Variants in DHX40 observed in about 807,000 individuals in gnomAD.
The protein encoded by DHX40 is DEAH-box helicase 40.
In DHX40, 28 loss-of-function variants were observed where a neutral mutation model predicts 89.6. That is an observed-to-expected ratio of 0.31 (90% CI 0.23 to 0.43). The LOEUF (loss-of-function observed/expected upper bound fraction) is 0.43. Among genes scored for constraint, DHX40 ranks in the 20% least tolerant of loss-of-function variants. The pLI is 1.00. For missense variants in DHX40, 457 were observed against 844.0 expected, an observed-to-expected ratio of 0.54 and a Z score of 5.68; for synonymous variants, 226 against 283.6, an observed-to-expected ratio of 0.80 and a Z score of 2.04.
In DHX40 at chr17:59,570,442, T is replaced by C. The variant is rs1000769166; in HGVS notation, c.281-76T>C. On this transcript the variant is annotated intron_variant, in intron 2 of 17. Transcript: ENST00000251241. ...AACATTCAAGCAGTTTTGTGTTGAT[T>C]GGCCAAAAACAATTTAGCTCTAATA... The C allele has an allele frequency of 1.9e-5, 27 of 1,456,390 alleles. No individual in the cohort carries two copies. In the African/African-American group the frequency reaches 3.8e-4, roughly 20 times the overall value. The allele number at this position is 1,456,390 out of a possible 1,614,324, so 90.2% of individuals were successfully genotyped here.
intron 12 of DHX40, among the ~76,000 whole-genome samples, chr17:59,591,326 G>T (rs990444651): frequency 8.0e-5 from 12 of 150,246 alleles, no homozygotes; most frequent in South Asian, 6.4e-4. Context: ...AAGAAAGAAA[G>T]AAATAAACAA....
intron 10 of DHX40, among the ~76,000 whole-genome samples, 165 bp from the exon 11 acceptor site, chr17:59,585,988 C>T (rs1462207282): frequency 1.3e-5 from 2 of 151,378 alleles, no homozygotes; most frequent in South Asian, 2.1e-4. Flanking sequence ...AAATTATTTC[C>T]TCTTTTGCCA....
At chr17:59,602,669 A>G (rs2030605553) in intron 15 of DHX40, 53 bp downstream of exon 15, 6 of 1,401,318 alleles carry the variant, frequency 4.3e-6, no homozygotes, top group Non-Finnish European at 6.0e-6. Flanking sequence ...GTATTTGACT[A>G]TAATATTGGA....
chr17:59,568,329 A>C (rs1192383048), intron 2 of DHX40, among the ~76,000 whole-genome samples: 1 of 152,244 alleles, frequency 6.6e-6, no homozygotes, highest in Non-Finnish European at 1.5e-5. Flanking sequence ...TGTAAAGAGC[A>C]GTATTATATT....
intron 12 of DHX40, among the ~76,000 whole-genome samples, chr17:59,590,342 TG>T (rs1190438447): frequency 2.2e-4 from 33 of 149,860 alleles, no homozygotes; most frequent in Admixed American, 1.4e-3. Context: ...CTTTGTAGGC[TG>T]GAAGTGTCGG....
At chr17:59,600,179 C>T (rs2030402432) in intron 14 of DHX40, among the ~76,000 whole-genome samples, 1 of 152,108 alleles carries the variant, frequency 6.6e-6, no homozygotes, top group Admixed American at 6.6e-5. Flanking sequence ...CCCCACCAAC[C>T]CAGGTAACCA....
chr17:59,607,428 T>A lies in DHX40; in HGVS notation c.*256T>A. 1 of 667,024 alleles carries A rather than the reference T, an allele frequency of 1.5e-6. No homozygotes were observed. Among genetic ancestry groups the A allele is most frequent in the Non-Finnish European group, 2.5e-6 (1 of 397,702 alleles). The allele number at this position is 667,024 out of a possible 1,614,324, so 41.3% of individuals were successfully genotyped here. A position where few individuals can be genotyped will look rare whatever the true frequency, so the allele number is the denominator to read the frequency against. On this transcript the variant is annotated 3_prime_UTR_variant, in exon 18 of 18. Transcript: ENST00000251241. ...ATGAAAGACAGTACATGTAATAATA[T>A]TTTCCTCAGTACAATTTTGCTGGCC... is the stretch of plus-strand genomic sequence containing the variant.
At chr17:59,580,754 C>T (rs900114867) in intron 10 of DHX40, among the ~76,000 whole-genome samples, 17 of 151,200 alleles carry the variant, frequency 1.1e-4, no homozygotes, top group East Asian at 3.9e-4. Flanking sequence ...TGCACCACTG[C>T]GGTCCAGCCT....
At chr17:59,576,701 G>A (rs1026780727) in intron 7 of DHX40, among the ~76,000 whole-genome samples, 7 of 152,194 alleles carry the variant, frequency 4.6e-5, no homozygotes, top group Non-Finnish European at 1.0e-4. Flanking sequence ...GTTCACCGAT[G>A]CTTTTATAAT....
intron 4 of DHX40, 127 bp from the exon 5 acceptor site, chr17:59,573,613 G>A (rs2048840960): frequency 9.1e-7 from 1 of 1,104,548 alleles, no homozygotes; most frequent in African/African-American, 1.6e-5. Context: ...GTGAGCCACT[G>A]CACCTGGCTC....
At position 59,598,178 on chromosome 17, in the gene DHX40, T is replaced by G. The variant is rs188393156; in HGVS notation, c.1583-559T>G. 2.3e-3 allele frequency among the ~76,000 whole-genome samples: 354 copies of G among 152,242 alleles called. 5 individuals are homozygous for G. Among genetic ancestry groups the G allele is most frequent in the Admixed American group, 0.02 (309 of 15,296 alleles). On this transcript the variant is annotated intron_variant, in intron 12 of 17. Transcript: ENST00000251241. ...TACCACACCTGGCCCTATATTGCTA[T>G]TTTTGAGAAAGAATAATTCTATATG...
At chr17:59,600,493 C>T (rs2030432439) in intron 14 of DHX40, among the ~76,000 whole-genome samples, 2 of 150,584 alleles carry the variant, frequency 1.3e-5, no homozygotes, top group Admixed American at 1.3e-4. Flanking sequence ...GCATCTTTTA[C>T]TCCTCATGAT....
At chr17:59,586,874 A>T (rs927957507) in intron 11 of DHX40, among the ~76,000 whole-genome samples, 3 of 151,548 alleles carry the variant, frequency 2.0e-5, no homozygotes, top group Admixed American at 2.0e-4. Flanking sequence ...ATTCTCTTGG[A>T]TGTGCGTGGT....
chr17:59,596,293 G>A (rs1230820001), intron 12 of DHX40, among the ~76,000 whole-genome samples: 6 of 152,192 alleles, frequency 3.9e-5, no homozygotes, highest in Non-Finnish European at 7.4e-5. Flanking sequence ...CCTGGCTGGC[G>A]TGTTGGCTCA....
intron 2 of DHX40, among the ~76,000 whole-genome samples, chr17:59,569,962 T>G (rs1392659683): frequency 1.4e-5 from 2 of 143,572 alleles, no homozygotes; most frequent in Non-Finnish European, 3.0e-5. Flanking sequence ...GAGAGTTGCT[T>G]GAACCTGGGA....
chr17:59,565,828 TG>T, intron 1 of DHX40, 45 bp downstream of exon 1: 2 of 1,503,034 alleles, frequency 1.3e-6, no homozygotes. Flanking sequence ...AGTTACGGCG[TG>T]GGGGTTTTGG....
intron 3 of DHX40, among the ~76,000 whole-genome samples, chr17:59,571,164 A>G (rs906372951): frequency 6.6e-6 from 1 of 152,152 alleles, no homozygotes; most frequent in Non-Finnish European, 1.5e-5. Context: ...GCCATTAAGT[A>G]TGTTCACAAT....
rs768417749 is a variant in DHX40, at chr17:59,573,926, A to G, written c.733A>G (p.Ile245Val). The G allele has an allele frequency of 1.9e-6, 3 of 1,597,400 alleles. No individual in the cohort carries two copies. ...AGTCAGAGAGAAATTCTGCAATTTG[A>G]TTGGTCCACGAGACAGAGAAAATAC... ...YPVREKFCNL[I>V]GPRDRENTAY... The change falls in exon 5 of 18, where the codon ATT becomes GTT. Residue 245 changes from isoleucine to valine, a missense_variant. Ile to Val is a conservative substitution (Grantham distance 29). Coordinates refer to ENST00000251241, the MANE Select transcript of DHX40 (RefSeq NM_024612.5).
chr17:59,598,297 A>C (rs1457999275), intron 12 of DHX40, among the ~76,000 whole-genome samples: 2 of 152,206 alleles, frequency 1.3e-5, no homozygotes, highest in Non-Finnish European at 2.9e-5. Flanking sequence ...GCTTATATAT[A>C]CATAGAAATT....
Sources: allele counts gnomAD v4.1 joint callset (sites outside exome capture counted in the v4.1 genomes callset), GRCh38; gene constraint gnomAD v4.1.1; transcripts MANE v1.5; gene names NCBI Gene and HGNC (gene_info 2026-07-23, HGNC 2026-07-21).